Variants in ZSCAN25 observed in about 807,000 individuals in gnomAD.
ZSCAN25 encodes the protein zinc finger and SCAN domain containing 25.
In ZSCAN25, 27 loss-of-function variants were observed where a neutral mutation model predicts 38.7. The observed-to-expected ratio is 0.70, with a 90% CI of 0.51 to 0.96. The LOEUF (loss-of-function observed/expected upper bound fraction) is 0.96, where lower values mean the gene tolerates loss of function less well. ZSCAN25 is among the 40% of genes least tolerant of loss of function. The pLI is 0.00. For synonymous variants in ZSCAN25, 273 were observed against 277.7 expected (o/e 0.98, Z 0.17); for missense variants, 637 against 705.9 (o/e 0.90, Z 1.11).
In ZSCAN25 at chr7:99,630,047, CATT is replaced by C; in HGVS notation, c.*28_*30del. 6.7e-7 allele frequency: 1 copy of C among 1,489,502 alleles called. No individual in the cohort carries two copies. Among genetic ancestry groups the C allele is most frequent in the South Asian group, 1.4e-5 (1 of 73,180 alleles). The allele number at this position is 1,489,502 out of a possible 1,614,324, so 92.3% of individuals were successfully genotyped here. ...CATAGCAGGTGGCAGGCAGCACCAT[CATT>C]CATCTTTCTCACTGCAGGGCCTTGC... is the stretch of plus-strand genomic sequence containing the variant. On this transcript the variant is annotated 3_prime_UTR_variant, in exon 8 of 8. Coordinates refer to ENST00000394152, the MANE Select transcript of ZSCAN25 (RefSeq NM_145115.3).
chr7:99,692,619 TGTC>T, the ZSCAN25 span, among the ~76,000 whole-genome samples: 1 of 152,346 alleles, frequency 6.6e-6, no homozygotes, highest in Admixed American at 6.5e-5. Flanking sequence ...TCTCTAATCT[TGTC>T]TTCTTGCTTT....
the ZSCAN25 span, chr7:99,660,228 T>C: frequency 9.5e-6 from 9 of 946,706 alleles, no homozygotes; most frequent in Non-Finnish European, 1.1e-5. Flanking sequence ...TTTTTTTTTT[T>C]TTTTTTTTTT....
At chr7:99,718,182 T>C in the ZSCAN25 span, among the ~76,000 whole-genome samples, 1 of 151,738 alleles carries the variant, frequency 6.6e-6, no homozygotes, top group East Asian at 1.9e-4. Context: ...AAATGATGAG[T>C]TAATGAGTAC....
the ZSCAN25 span, among the ~76,000 whole-genome samples, chr7:99,712,346 CTGATG>C: frequency 6.6e-6 from 1 of 152,184 alleles, no homozygotes; most frequent in African/African-American, 2.4e-5. Flanking sequence ...CCTGATGATA[CTGATG>C]TGAAACCAAA....
chr7:99,735,143 G>A, the ZSCAN25 span: 43 of 1,605,922 alleles, frequency 2.7e-5, 1 homozygote, highest in Admixed American at 8.4e-5. Context: ...TTTCAGCAGC[G>A]TGCTGCTGTT....
At chr7:99,731,176 G>A in the ZSCAN25 span, 1 of 1,613,282 alleles carries the variant, frequency 6.2e-7, no homozygotes, top group Admixed American at 1.7e-5. Flanking sequence ...CAAAAATCAG[G>A]TCTCAGGGAT....
chr7:99,699,746 C>T, the ZSCAN25 span, among the ~76,000 whole-genome samples: 1 of 152,216 alleles, frequency 6.6e-6, no homozygotes, highest in Non-Finnish European at 1.5e-5. Flanking sequence ...CCCAAACCCT[C>T]CTAGTCACCA....
At chr7:99,731,943 A>G in the ZSCAN25 span, among the ~76,000 whole-genome samples, 12 of 152,314 alleles carry the variant, frequency 7.9e-5, no homozygotes, top group Non-Finnish European at 1.6e-4. Context: ...AACTAAGAAC[A>G]AGGACATTCC....
chr7:99,732,233 C>G, the ZSCAN25 span, among the ~76,000 whole-genome samples: 1 of 152,152 alleles, frequency 6.6e-6, no homozygotes, highest in Non-Finnish European at 1.5e-5. Flanking sequence ...TGCTTCTGCT[C>G]CAGTCATGTA....
intron 4 of ZSCAN25, 138 bp downstream of exon 4, chr7:99,620,131 T>C: frequency 7.7e-7 from 1 of 1,294,396 alleles, no homozygotes; most frequent in Non-Finnish European, 1.0e-6. Flanking sequence ...CTGAGGTTCT[T>C]TTTGGAGAGC....
chr7:99,699,595 G>A, the ZSCAN25 span, among the ~76,000 whole-genome samples: 2 of 152,100 alleles, frequency 1.3e-5, no homozygotes, highest in African/African-American at 2.4e-5. Context: ...CCAGAATCCC[G>A]AGAACCTGGG....
chr7:99,710,603 C>G, the ZSCAN25 span: 4 of 1,506,540 alleles, frequency 2.7e-6, no homozygotes, highest in East Asian at 2.4e-5. Context: ...ATTTTGAGAG[C>G]CTTCCTACAT....
At chr7:99,636,673 T>C (rs1162253168), downstream of ZSCAN25, among the ~76,000 whole-genome samples, 3 of 152,242 alleles carry the variant, frequency 2.0e-5, no homozygotes, top group Non-Finnish European at 4.4e-5. Flanking sequence ...TCACTAAAAT[T>C]ATTCCTTAAG....
chr7:99,685,635 GCTTT>G, the ZSCAN25 span, among the ~76,000 whole-genome samples: 9 of 152,168 alleles, frequency 5.9e-5, no homozygotes, highest in African/African-American at 2.2e-4. Flanking sequence ...TTCACAGCCT[GCTTT>G]ATTTGTCATG....
the ZSCAN25 span, among the ~76,000 whole-genome samples, chr7:99,727,202 T>C: frequency 6.6e-6 from 1 of 152,210 alleles, no homozygotes; most frequent in Non-Finnish European, 1.5e-5. Context: ...CTGGAATTCT[T>C]ACACAAGGAC....
the ZSCAN25 span, among the ~76,000 whole-genome samples, chr7:99,701,893 TG>T: frequency 6.6e-6 from 1 of 151,534 alleles, no homozygotes; most frequent in Admixed American, 6.6e-5. Context: ...TTCTGTGGTT[TG>T]CGTCTTCACT....
the ZSCAN25 span, among the ~76,000 whole-genome samples, chr7:99,729,866 A>G: frequency 6.6e-6 from 1 of 152,166 alleles, no homozygotes; most frequent in African/African-American, 2.4e-5. Flanking sequence ...CCTGCACCCA[A>G]GTGATTAAAA....
intron 4 of ZSCAN25, 149 bp downstream of exon 4, chr7:99,620,142 A>T: frequency 8.2e-7 from 1 of 1,214,140 alleles, no homozygotes; most frequent in South Asian, 1.6e-5. Context: ...TTTGGAGAGC[A>T]GTGGCGTTTT....
the ZSCAN25 span, among the ~76,000 whole-genome samples, chr7:99,714,922 T>C: frequency 6.6e-6 from 1 of 152,174 alleles, no homozygotes; most frequent in Non-Finnish European, 1.5e-5. Flanking sequence ...ATCTTTTGAA[T>C]GATGAAAGGA....
Sources: gnomAD v4.1 joint callset for allele counts (sites outside exome capture counted in the v4.1 genomes callset) on GRCh38, gnomAD v4.1.1 for gene constraint, MANE v1.5 for transcripts, NCBI Gene and HGNC (gene_info 2026-07-23, HGNC 2026-07-21) for gene names.